CLCN5: variants seen among roughly 807,000 people sequenced by gnomAD.
The protein encoded by CLCN5 is H(+)/Cl(-) exchange transporter 5.
CLCN5 carries 17 observed loss-of-function variants against 54.0 expected under a neutral mutation model. The observed-to-expected ratio is 0.31, with a 90% CI of 0.22 to 0.47. The LOEUF (loss-of-function observed/expected upper bound fraction) is 0.47. Ranked by LOEUF, CLCN5 falls within the 20% of genes least tolerant of loss-of-function variation. The pLI is 1.00. For synonymous variants in CLCN5, 222 were observed against 233.0 expected, an observed-to-expected ratio of 0.95 and a Z score of 0.43; for missense variants, 448 against 646.7, an observed-to-expected ratio of 0.69 and a Z score of 3.33.
At position 50,095,702 on chromosome X, in the gene CLCN5, T is replaced by G. The variant is rs1557195465; in HGVS notation, c.*3483T>G. 2.7e-5 allele frequency: 3 copies of G among 112,464 alleles called. No individual in the cohort carries two copies. Among genetic ancestry groups the G allele is most frequent in the African/African-American group, 9.7e-5 (3 of 30,953 alleles). The allele number at this position is 112,464 out of a possible 1,213,427, so 9.3% of individuals were successfully genotyped here. A position where few individuals can be genotyped will look rare whatever the true frequency, so the allele number is the denominator to read the frequency against. On this transcript the variant is annotated 3_prime_UTR_variant, in exon 15 of 15. Coordinates refer to ENST00000376091, the MANE Select transcript of CLCN5 (RefSeq NM_001127898.4). ...ATGAAGTAACCAGGGTTTAGTGAGATCTAAGGCCGTGAAGTAATTCACAAC... is the reference window on the plus strand; with the variant it reads ...ATGAAGTAACCAGGGTTTAGTGAGAGCTAAGGCCGTGAAGTAATTCACAAC...
At chrX:49,942,568 C>G (rs958689777) in intron 3 of CLCN5, among the ~76,000 whole-genome samples, 1 of 96,918 alleles carries the variant, frequency 1.0e-5, no homozygotes, top group Non-Finnish European at 2.1e-5. Flanking sequence ...CCCTACCCCA[C>G]GACAGGCCCC....
intron 3 of CLCN5, among the ~76,000 whole-genome samples, chrX:49,927,675 G>A (rs1557168212): frequency 8.9e-6 from 1 of 112,068 alleles, no homozygotes; most frequent in South Asian, 3.7e-4. Context: ...CCAAAAGAAA[G>A]GAAATCAGTA....
rs1214440975 is a variant in CLCN5 at position 50,093,670 on chromosome X, C to A, written c.*1451C>A. ...GTAGTTTTACCTGTGTGCAATTACTCCCCCTCCATTCTGTTCCACTTCTTA... is the reference window on the plus strand; with the variant it reads ...GTAGTTTTACCTGTGTGCAATTACTACCCCTCCATTCTGTTCCACTTCTTA... On this transcript the variant is annotated 3_prime_UTR_variant, in exon 15 of 15. Transcript: ENST00000376091. The A allele has an allele frequency of 8.9e-6, 1 of 112,019 alleles. No individual in the cohort carries two copies. Among genetic ancestry groups the A allele is most frequent in the African/African-American group, 3.3e-5 (1 of 30,713 alleles). The allele number at this position is 112,019 out of a possible 1,213,427, so 9.2% of individuals were successfully genotyped here.
chrX:49,994,472 A>G (rs782596859), intron 3 of CLCN5, among the ~76,000 whole-genome samples: 2 of 111,131 alleles, frequency 1.8e-5, no homozygotes, highest in South Asian at 7.7e-4. Context: ...ATAAGCTAAA[A>G]AGGGCATTTC....
rs782080811 is a variant in CLCN5 at position 50,025,823 on chromosome X, C to T, written c.17-16493C>T. Among the ~76,000 whole-genome samples the T allele has an allele frequency of 1.3e-4, 14 of 111,346 alleles. No individual in the cohort carries two copies. The East Asian group carries it at 2.3e-3, about 18-fold the overall frequency. ...TTATCAATTTTATTGATCTTTTCAA[C>T]GAGCCAGCTTTTGGTTTTGTTGACT... On this transcript the variant is annotated intron_variant, in intron 3 of 14. Transcript: ENST00000376091.
chrX:49,978,924 G>T (rs59686952), intron 3 of CLCN5, among the ~76,000 whole-genome samples: 3,502 of 111,037 alleles, frequency 0.032, 137 homozygotes, highest in African/African-American at 0.11. Context: ...ATGATTAAAG[G>T]GGTGTTGTGG....
intron 4 of CLCN5, among the ~76,000 whole-genome samples, chrX:50,051,245 C>G (rs1444163309): frequency 8.9e-6 from 1 of 112,062 alleles, no homozygotes; most frequent in African/African-American, 3.2e-5. Flanking sequence ...ATACTTATGC[C>G]TAGTCATTGC....
intron 3 of CLCN5, among the ~76,000 whole-genome samples, chrX:50,006,941 G>C (rs1930175622): frequency 9.0e-6 from 1 of 111,546 alleles, no homozygotes; most frequent in African/African-American, 3.3e-5. Flanking sequence ...GGATACTGGA[G>C]AATGAATTTA....
At chrX:50,028,091 T>C (rs1241707814) in intron 3 of CLCN5, among the ~76,000 whole-genome samples, 1 of 112,012 alleles carries the variant, frequency 8.9e-6, no homozygotes, top group Non-Finnish European at 1.9e-5. Context: ...GGTTTCAGTT[T>C]TTTAGTGAGC....
At position 50,013,652 on chromosome X, in the gene CLCN5, C is replaced by T. The variant is rs545449193; in HGVS notation, c.17-28664C>T. Among the ~76,000 whole-genome samples the T allele has an allele frequency of 4.4e-5, 5 of 112,465 alleles. No homozygotes were observed. The East Asian group carries it at 8.5e-4, about 19-fold the overall frequency. On this transcript the variant is annotated intron_variant, in intron 3 of 14. Coordinates refer to ENST00000376091, the MANE Select transcript of CLCN5 (RefSeq NM_001127898.4). ...GAGCCTTATTATCTAAACTTGCCTG[C>T]AAGTTTCCTTGCCACACACACTCAG...
At chrX:50,006,609 T>A (rs1358155212) in intron 3 of CLCN5, among the ~76,000 whole-genome samples, 1 of 111,809 alleles carries the variant, frequency 8.9e-6, no homozygotes, top group African/African-American at 3.3e-5. Context: ...TTTTCTTTCC[T>A]AACTCCCATG....
chrX:50,085,591 A>G (rs1933856073), intron 9 of CLCN5: 2 of 237,132 alleles, frequency 8.4e-6, no homozygotes, highest in Admixed American at 1.2e-4. Context: ...ATCTCATTTA[A>G]AAAGCATTCC....
intron 3 of CLCN5, among the ~76,000 whole-genome samples, chrX:49,947,055 C>T (rs1464997887): frequency 4.5e-5 from 5 of 110,333 alleles, no homozygotes; most frequent in African/African-American, 1.6e-4. Context: ...CTCCTGACCT[C>T]AGGTGATCTG....
At chrX:50,031,274 T>C (rs1931685245) in intron 3 of CLCN5, among the ~76,000 whole-genome samples, 1 of 112,126 alleles carries the variant, frequency 8.9e-6, no homozygotes, top group Non-Finnish European at 1.9e-5. Flanking sequence ...AGGCTGTTAC[T>C]CCTTTGGGCG....
chrX:49,984,789 A>T (rs1002808346), intron 3 of CLCN5, among the ~76,000 whole-genome samples: 8 of 108,858 alleles, frequency 7.3e-5, no homozygotes, highest in Admixed American at 2.0e-4. Flanking sequence ...TATTTAAAAA[A>T]TTTTTTTTTG....
At chrX:49,969,386 T>G (rs1480711350) in intron 3 of CLCN5, among the ~76,000 whole-genome samples, 8 of 112,582 alleles carry the variant, frequency 7.1e-5, no homozygotes, top group Non-Finnish European at 3.8e-5. Context: ...CCTGAGACCT[T>G]TCTTCTTTTC....
At position 49,931,733 on chromosome X, in the gene CLCN5, CT is replaced by C. The variant is rs1361127071; in HGVS notation, c.16+6434del. Reference sequence around the variant, plus strand: ...AGATTCCATCTCTACTAAAAGAAAACTTTTTTTTTTTTTTTGAGACAGAGTT... The same window carrying C: ...AGATTCCATCTCTACTAAAAGAAAACTTTTTTTTTTTTTTGAGACAGAGTT... On this transcript the variant is annotated intron_variant, in intron 3 of 14. Transcript: ENST00000376091. 5.0e-3 allele frequency among the ~76,000 whole-genome samples: 495 copies of C among 98,894 alleles called. 1 individual carries two copies. Among genetic ancestry groups the C allele is most frequent in the East Asian group, 0.014 (45 of 3,189 alleles). 85.9% of individuals were successfully genotyped at this position (98,894 alleles called of 115,157 possible).
At position 50,090,325 on chromosome X, in the gene CLCN5, G is replaced by A. The variant is rs1557194571; in HGVS notation, c.1954G>A (p.Ala652Thr). 2 of 1,211,157 alleles carry A rather than the reference G, an allele frequency of 1.7e-6. No individual in the cohort carries two copies. Among genetic ancestry groups the A allele is most frequent in the Non-Finnish European group, 1.1e-6 (1 of 895,156 alleles). Residue 652 changes from alanine to threonine, a missense_variant, in exon 13 of 15, where the codon GCA (alanine) becomes ACA (threonine). By Grantham distance (58) the Ala-to-Thr change is moderately conservative. Coordinates refer to ENST00000376091, the MANE Select transcript of CLCN5 (RefSeq NM_001127898.4). ...AKEEFAHKTL[A>T]MDVMKPRRND... ...AGAAGAGTTTGCTCATAAGACCCTG[G>A]CAATGGATGTGATGAAACCCCGGAG...
intron 1 of CLCN5, among the ~76,000 whole-genome samples, chrX:49,923,010 C>A (rs1289862807): frequency 1.8e-5 from 2 of 113,116 alleles, no homozygotes; most frequent in African/African-American, 6.4e-5. Flanking sequence ...GCGGCGTCTT[C>A]CCGGGAGCCC....
Sources: allele counts gnomAD v4.1 joint callset (sites outside exome capture counted in the v4.1 genomes callset), GRCh38; gene constraint gnomAD v4.1.1; transcripts MANE v1.5; gene names NCBI Gene and HGNC (gene_info 2026-07-23, HGNC 2026-07-21).